PRPSAP2: variants seen among roughly 807,000 people sequenced by gnomAD.
PRPSAP2 encodes the protein phosphoribosyl pyrophosphate synthetase associated protein 2, also known as phosphoribosyl pyrophosphate synthase-associated protein 2.
A neutral mutation model predicts 40.6 loss-of-function variants in PRPSAP2; 24 were observed. The observed-to-expected ratio is 0.59, with a 90% confidence interval of 0.43 to 0.83. PRPSAP2 has a LOEUF of 0.83. Ranked by LOEUF, PRPSAP2 falls within the 40% of genes least tolerant of loss-of-function variation. The pLI, the probability that PRPSAP2 is intolerant of heterozygous loss-of-function variation, is 0.00. For missense variants in PRPSAP2, 292 were observed against 465.6 expected, an observed-to-expected ratio of 0.63 and a Z score of 3.43; for synonymous variants, 149 against 164.7, an observed-to-expected ratio of 0.90 and a Z score of 0.73.
chr17:18,907,420 G>GCA (rs2151947890), intron 8 of PRPSAP2, among the ~76,000 whole-genome samples: 1 of 152,278 alleles, frequency 6.6e-6, no homozygotes, highest in South Asian at 2.1e-4. Context: ...ACTGATAACT[G>GCA]CAAGGAGAAA....
intron 5 of PRPSAP2, among the ~76,000 whole-genome samples, chr17:18,876,442 CAG>C (rs1260454073): frequency 6.6e-6 from 1 of 152,146 alleles, no homozygotes; most frequent in African/African-American, 2.4e-5. Flanking sequence ...TGTATAGTGA[CAG>C]AGAACCTACT....
chr17:18,928,339 T>A (rs1205524097), intron 10 of PRPSAP2: 1 of 194,192 alleles, frequency 5.1e-6, no homozygotes, highest in Non-Finnish European at 1.1e-5. Context: ...ATTTCCCATA[T>A]GCTCAGTGGA....
intron 8 of PRPSAP2, among the ~76,000 whole-genome samples, chr17:18,903,385 A>C (rs1489670783): frequency 6.6e-6 from 1 of 151,164 alleles, no homozygotes; most frequent in Non-Finnish European, 1.5e-5. Context: ...TTTTATATGG[A>C]ACAGGTAGTA....
chr17:18,861,076 A>G (rs1475432736), intron 1 of PRPSAP2, among the ~76,000 whole-genome samples: 3 of 152,214 alleles, frequency 2.0e-5, no homozygotes, highest in Non-Finnish European at 4.4e-5. Flanking sequence ...GATGATTATT[A>G]TGTTTTTGAG....
intron 9 of PRPSAP2, among the ~76,000 whole-genome samples, chr17:18,913,541 C>CTTTTTTTT (rs35697920): frequency 9.5e-5 from 7 of 73,956 alleles, no homozygotes; most frequent in African/African-American, 1.7e-4. Flanking sequence ...GCGTCTGGTT[C>CTTTTTTTT]TTTTTTTTTT....
intron 7 of PRPSAP2, 120 bp downstream of exon 7, chr17:18,882,803 A>T: frequency 1.5e-6 from 1 of 665,068 alleles, no homozygotes; most frequent in Non-Finnish European, 2.6e-6. Flanking sequence ...AAGTACCATT[A>T]TACTTTATAG....
chr17:18,868,477 T>G (rs1375988659), intron 4 of PRPSAP2, among the ~76,000 whole-genome samples: 1 of 149,134 alleles, frequency 6.7e-6, no homozygotes, highest in Non-Finnish European at 1.5e-5. Flanking sequence ...AGACTTTGTC[T>G]CAGGGGAAAA....
At chr17:18,868,404 G>T (rs755796847) in intron 4 of PRPSAP2, among the ~76,000 whole-genome samples, 2 of 151,982 alleles carry the variant, frequency 1.3e-5, no homozygotes, top group Non-Finnish European at 2.9e-5. Context: ...GAACCCGGGC[G>T]GTGGAGGTTG....
At chr17:18,912,384 C>T (rs2041016981) in intron 9 of PRPSAP2, among the ~76,000 whole-genome samples, 1 of 152,126 alleles carries the variant, frequency 6.6e-6, no homozygotes, top group Non-Finnish European at 1.5e-5. Flanking sequence ...CTCTTAATAC[C>T]ACCACAGTGG....
intron 8 of PRPSAP2, among the ~76,000 whole-genome samples, chr17:18,903,266 C>A (rs191415284): frequency 1.8e-4 from 27 of 149,394 alleles, no homozygotes; most frequent in African/African-American, 6.4e-4. Context: ...GAGCCCAGAT[C>A]GTGCCATTGC....
chr17:18,919,235 G>C (rs549110469), intron 9 of PRPSAP2, among the ~76,000 whole-genome samples: 1 of 152,102 alleles, frequency 6.6e-6, no homozygotes, highest in Non-Finnish European at 1.5e-5. Context: ...GCGGCTGGGC[G>C]CAGTGGCTCA....
intron 8 of PRPSAP2, chr17:18,908,514 A>G: frequency 1.3e-6 from 1 of 758,076 alleles, no homozygotes. Flanking sequence ...CACAAGGAGA[A>G]AGGGACCATC....
At chr17:18,929,557 GTC>G (rs1235342827) in intron 11 of PRPSAP2, 2 of 152,030 alleles carry the variant, frequency 1.3e-5, no homozygotes, top group African/African-American at 4.8e-5. Context: ...TCTGCTTTCT[GTC>G]TCTCTAGATT....
chr17:18,901,052 C>T (rs1255344105), intron 8 of PRPSAP2, among the ~76,000 whole-genome samples: 3 of 152,168 alleles, frequency 2.0e-5, no homozygotes, highest in East Asian at 3.8e-4. Context: ...CCAGGAAGTA[C>T]AGGCTCACCC....
intron 8 of PRPSAP2, among the ~76,000 whole-genome samples, chr17:18,894,565 C>T (rs919102126): frequency 4.0e-5 from 6 of 150,816 alleles, no homozygotes; most frequent in African/African-American, 9.8e-5. Flanking sequence ...CTGCACCCTC[C>T]GCCTCCTGGG....
At chr17:18,878,153 G>A (rs925398390) in intron 6 of PRPSAP2, among the ~76,000 whole-genome samples, 1 of 152,140 alleles carries the variant, frequency 6.6e-6, no homozygotes, top group Non-Finnish European at 1.5e-5. Flanking sequence ...TGGCCTCAAG[G>A]GATGTTTCTG....
At chr17:18,887,615 A>G (rs987909443) in intron 7 of PRPSAP2, among the ~76,000 whole-genome samples, 6 of 152,124 alleles carry the variant, frequency 3.9e-5, no homozygotes, top group Non-Finnish European at 8.8e-5. Flanking sequence ...TAGGTCCTGA[A>G]AATTTTGGAT....
chr17:18,908,446 A>G, intron 8 of PRPSAP2: 1 of 759,118 alleles, frequency 1.3e-6, no homozygotes, highest in Non-Finnish European at 2.5e-6. Flanking sequence ...GATTTGCCTC[A>G]GAGAAGGATC....
chr17:18,929,601 T>G (rs1375263857), intron 11 of PRPSAP2: 1 of 152,142 alleles, frequency 6.6e-6, no homozygotes, highest in Non-Finnish European at 1.5e-5. Flanking sequence ...ATAAATGAGA[T>G]TATACAATGT....
Sources: gnomAD v4.1 joint callset for allele counts (sites outside exome capture counted in the v4.1 genomes callset) on GRCh38, gnomAD v4.1.1 for gene constraint, MANE v1.5 for transcripts, NCBI Gene and HGNC (gene_info 2026-07-23, HGNC 2026-07-21) for gene names.